Variants in DYSF observed in about 807,000 individuals in gnomAD.
DYSF encodes the protein dystrophy-associated fer-1-like 1.
Under a neutral mutation model 274.9 loss-of-function variants are expected in DYSF, and 212 were observed. The ratio of observed to expected loss-of-function variants is 0.77; its 90% CI spans 0.69 to 0.86. DYSF has a LOEUF of 0.86. DYSF is among the 40% of genes least tolerant of loss of function. The pLI is 0.00. For synonymous variants in DYSF, 1,091 were observed against 1,078.7 expected, an observed-to-expected ratio of 1.01 and a Z score of -0.22; for missense variants, 2,666 against 2,783.2, an observed-to-expected ratio of 0.96 and a Z score of 0.95.
chr2:71,629,586 G>C (rs922208189), intron 41 of DYSF, among the ~76,000 whole-genome samples: 4 of 152,172 alleles, frequency 2.6e-5, no homozygotes, highest in African/African-American at 7.2e-5. Context: ...CAGATGTCTG[G>C]AGACACTATA....
At chr2:71,554,580 G>A (rs2091208040) in intron 21 of DYSF, among the ~76,000 whole-genome samples, 1 of 152,186 alleles carries the variant, frequency 6.6e-6, no homozygotes. Flanking sequence ...ACCTGGGGGA[G>A]GGTGACCAAG....
At chr2:71,604,878 A>G (rs1049093198) in intron 36 of DYSF, among the ~76,000 whole-genome samples, 2 of 152,098 alleles carry the variant, frequency 1.3e-5, no homozygotes, top group African/African-American at 2.4e-5. Flanking sequence ...TTGGTAGAAA[A>G]TGTGGGGAGG....
At chr2:71,668,349 T>G (rs550000435) in intron 48 of DYSF, among the ~76,000 whole-genome samples, 1 of 152,222 alleles carries the variant, frequency 6.6e-6, no homozygotes, top group South Asian at 2.1e-4. Context: ...ATGAGACAAA[T>G]TCACACCTCG....
upstream of DYSF, among the ~76,000 whole-genome samples, chr2:71,463,057 C>G (rs1004424302): frequency 6.6e-6 from 1 of 152,210 alleles, no homozygotes; most frequent in Non-Finnish European, 1.5e-5. Context: ...CCCTTTCTGC[C>G]CAGGAGCCTG....
intron 41 of DYSF, among the ~76,000 whole-genome samples, chr2:71,635,307 TCAGCCTTTGTAAACTTAAAAGC>T (rs1324771608): frequency 6.6e-6 from 1 of 152,206 alleles, no homozygotes; most frequent in Non-Finnish European, 1.5e-5. Flanking sequence ...TGGCACATGA[TCAGCCTTTGTAAACTTAAAAGC>T]CAAGGATCAC....
chr2:71,578,545 T>C (rs754908797), intron 30 of DYSF, among the ~76,000 whole-genome samples: 3 of 152,094 alleles, frequency 2.0e-5, no homozygotes, highest in Non-Finnish European at 4.4e-5. Flanking sequence ...GTCTTTGAAG[T>C]GTTGGAGGTA....
At chr2:71,659,136 T>C in intron 44 of DYSF, 103 bp downstream of exon 44, 4 of 1,499,236 alleles carry the variant, frequency 2.7e-6, no homozygotes, top group Non-Finnish European at 3.7e-6. Flanking sequence ...TCATAGTAGG[T>C]TGGGAAACAG....
At chr2:71,683,220 G>A (rs576214288) in intron 55 of DYSF, among the ~76,000 whole-genome samples, 9 of 152,286 alleles carry the variant, frequency 5.9e-5, no homozygotes, top group Middle Eastern at 3.4e-3. Context: ...GTCGGGGAGC[G>A]GGAGGCTGGC....
rs917623717 is a variant in DYSF at position 71,466,829 on chromosome 2, G to A, written c.-14G>A. 6.6e-7 allele frequency: 1 copy of A among 1,508,042 alleles called. No homozygotes were observed. The highest frequency in any genetic ancestry group is 1.2e-5 in the South Asian group (1 of 81,972). 93.4% of individuals were successfully genotyped at this position (1,508,042 alleles called of 1,614,324 possible). A position where few individuals can be genotyped will look rare whatever the true frequency, so the allele number is the denominator to read the frequency against. The stretch of plus-strand genomic sequence containing the variant: ...CCTGACTGCGCGCCTGTGTGCCGCC[G>A]GGGCTGCCCAGCCATGCTGTGCTGC... On this transcript the variant is annotated 5_prime_UTR_variant, in exon 1 of 56. Transcript: ENST00000410020.
chr2:71,678,962 T>G (rs1573175110), intron 52 of DYSF, 95 bp from the exon 53 acceptor site: 6 of 1,120,284 alleles, frequency 5.4e-6, no homozygotes, highest in East Asian at 2.4e-5. Flanking sequence ...GTGACAGAGG[T>G]GACTGAGTTT....
At chr2:71,650,851 G>A (rs1327869685) in intron 42 of DYSF, among the ~76,000 whole-genome samples, 1 of 152,092 alleles carries the variant, frequency 6.6e-6, no homozygotes, top group African/African-American at 2.4e-5. Context: ...CTACATATTA[G>A]AACTTACTGG....
At chr2:71,642,623 C>A (rs1468012806) in intron 41 of DYSF, among the ~76,000 whole-genome samples, 5 of 152,178 alleles carry the variant, frequency 3.3e-5, no homozygotes, top group African/African-American at 9.7e-5. Context: ...CTGGTAGGGC[C>A]TGGCTGCAGA....
chr2:71,622,655 G>A (rs1421890992), intron 41 of DYSF, among the ~76,000 whole-genome samples: 1 of 152,160 alleles, frequency 6.6e-6, no homozygotes, highest in Non-Finnish European at 1.5e-5. Context: ...TTGCTCCGTT[G>A]CCCAGGCTGG....
chr2:71,529,989 T>C (rs2152753751), intron 14 of DYSF, among the ~76,000 whole-genome samples: 1 of 145,416 alleles, frequency 6.9e-6, no homozygotes, highest in South Asian at 2.2e-4. Context: ...CTGGGCTCTC[T>C]CTCCTCAGAG....
At chr2:71,596,314 C>T (rs2093408227) in intron 32 of DYSF, among the ~76,000 whole-genome samples, 2 of 152,194 alleles carry the variant, frequency 1.3e-5, no homozygotes, top group Non-Finnish European at 2.9e-5. Context: ...GCGTGCACAG[C>T]CGCTACAATG....
At chr2:71,608,843 C>T (rs2152870813) in intron 36 of DYSF, among the ~76,000 whole-genome samples, 1 of 152,206 alleles carries the variant, frequency 6.6e-6, no homozygotes, top group Non-Finnish European at 1.5e-5. Context: ...CATGAGTTTT[C>T]CTTAGTGATT....
intron 22 of DYSF, among the ~76,000 whole-genome samples, chr2:71,561,247 G>A (rs1250767533): frequency 6.6e-6 from 1 of 152,172 alleles, no homozygotes; most frequent in African/African-American, 2.4e-5. Context: ...TGAGCTGCTG[G>A]CCTCCCTGCA....
chr2:71,569,731 C>T, intron 26 of DYSF, 89 bp from the exon 27 acceptor site: 1 of 1,124,124 alleles, frequency 8.9e-7, no homozygotes. Context: ...GTGAGGCTGA[C>T]ATACGCAGGG....
intron 40 of DYSF, among the ~76,000 whole-genome samples, chr2:71,618,347 AGG>A (rs1491287254): frequency 6.9e-3 from 20 of 2,916 alleles, no homozygotes; most frequent in East Asian, 0.011. Flanking sequence ...TGTGTGGTAG[AGG>A]GGTGTGTGTG....
Sources: gnomAD v4.1 joint callset for allele counts (sites outside exome capture counted in the v4.1 genomes callset) on GRCh38, gnomAD v4.1.1 for gene constraint, MANE v1.5 for transcripts, NCBI Gene and HGNC (gene_info 2026-07-23, HGNC 2026-07-21) for gene names.